RSPO2: variants seen among roughly 807,000 people sequenced by gnomAD.
RSPO2 encodes the protein R-spondin 2, also known as R-spondin-2.
RSPO2 carries 14 observed loss-of-function variants against 30.9 expected under a neutral mutation model. The ratio of observed to expected loss-of-function variants is 0.45; its 90% CI spans 0.30 to 0.71. The LOEUF (loss-of-function observed/expected upper bound fraction) is 0.71. RSPO2 is among the 30% of genes least tolerant of loss of function. The pLI is 0.08. For missense variants in RSPO2, 264 were observed against 301.9 expected (o/e 0.87, Z 0.93); for synonymous variants, 107 against 96.4 (o/e 1.11, Z -0.64).
rs1814522676 is a variant in RSPO2 at position 107,983,559 on chromosome 8, G to A, written c.283+5497C>T. On this transcript the variant is annotated intron_variant, in intron 3 of 5. Coordinates refer to ENST00000276659, the MANE Select transcript of RSPO2 (RefSeq NM_178565.5). ...CACTACTATATTTACTTCAGCAAAAGAGTGAGCCAGCAGAGCCATGTATTG... is the reference window on the plus strand; with the variant it reads ...CACTACTATATTTACTTCAGCAAAAAAGTGAGCCAGCAGAGCCATGTATTG... 5.0e-6 allele frequency: 8 copies of A among 1,600,686 alleles called. No individual in the cohort carries two copies. In the Admixed American group the frequency reaches 1.2e-4, roughly 23 times the overall value.
chr8:107,925,582 G>C (rs1459113353), intron 5 of RSPO2, among the ~76,000 whole-genome samples: 1 of 151,588 alleles, frequency 6.6e-6, no homozygotes, highest in Non-Finnish European at 1.5e-5. Context: ...AGGCCCCGGT[G>C]TGTGATGTTC....
intron 2 of RSPO2, among the ~76,000 whole-genome samples, chr8:107,990,956 T>A (rs1295037990): frequency 6.6e-6 from 1 of 152,060 alleles, no homozygotes; most frequent in African/African-American, 2.4e-5. Context: ...AGGGGCTGGG[T>A]GCGGTGGCTC....
chr8:108,012,979 T>C (rs1810756093), intron 2 of RSPO2, among the ~76,000 whole-genome samples: 1 of 152,174 alleles, frequency 6.6e-6, no homozygotes, highest in Non-Finnish European at 1.5e-5. Flanking sequence ...TCCCAATTCT[T>C]CCTGTCCAGG....
chr8:108,074,163 G>C (rs1457005688), intron 2 of RSPO2, among the ~76,000 whole-genome samples: 1 of 152,098 alleles, frequency 6.6e-6, no homozygotes, highest in Non-Finnish European at 1.5e-5. Context: ...TGCTAAACTG[G>C]GTAACTTCTA....
chr8:107,995,892 A>G (rs1815003196), intron 2 of RSPO2, among the ~76,000 whole-genome samples: 1 of 152,040 alleles, frequency 6.6e-6, no homozygotes, highest in African/African-American at 2.4e-5. Context: ...TATACTCACT[A>G]TGGTATTTTG....
intron 2 of RSPO2, among the ~76,000 whole-genome samples, chr8:108,002,485 A>G (rs1172277436): frequency 1.3e-5 from 2 of 152,178 alleles, no homozygotes; most frequent in African/African-American, 4.8e-5. Flanking sequence ...CCTCCTGCCT[A>G]TCCAAAATTA....
rs370345102 is a variant in RSPO2 at position 108,048,786 on chromosome 8, G to A, written c.94+33759C>T. On this transcript the variant is annotated intron_variant, in intron 2 of 5. Transcript: ENST00000276659. Reference sequence around the variant, plus strand: ...AGGGTGTCAATTTTAGATCTTTCCTGCTTTCTCTTGTGGGTATTTAGTGCT... The same window carrying A: ...AGGGTGTCAATTTTAGATCTTTCCTACTTTCTCTTGTGGGTATTTAGTGCT... 1.5e-4 allele frequency among the ~76,000 whole-genome samples: 23 copies of A among 152,220 alleles called. No individual in the cohort carries two copies. The South Asian group carries it at 4.2e-3, about 28-fold the overall frequency.
At chr8:107,913,039 A>T (rs1002020320) in intron 5 of RSPO2, among the ~76,000 whole-genome samples, 1 of 152,196 alleles carries the variant, frequency 6.6e-6, no homozygotes, top group South Asian at 2.1e-4. Context: ...GTGATAATTT[A>T]ACATTCATAT....
At chr8:107,909,260 T>TTG (rs1491111745) in intron 5 of RSPO2, among the ~76,000 whole-genome samples, 3,014 of 51,114 alleles carry the variant, frequency 0.059, 96 homozygotes, top group Middle Eastern at 0.12. Flanking sequence ...TTCCCAGTTG[T>TTG]TTTTTTTTTT....
At chr8:107,977,858 C>T (rs1563547547) in intron 3 of RSPO2, among the ~76,000 whole-genome samples, 1 of 151,862 alleles carries the variant, frequency 6.6e-6, no homozygotes, top group African/African-American at 2.4e-5. Flanking sequence ...AACATCTGTA[C>T]CTGTGATCAG....
At chr8:108,061,542 T>G (rs934946727) in intron 2 of RSPO2, among the ~76,000 whole-genome samples, 6 of 151,644 alleles carry the variant, frequency 4.0e-5, no homozygotes, top group African/African-American at 1.5e-4. Flanking sequence ...AAGCAAATCC[T>G]TAGAGACCTA....
chr8:107,917,692 T>C (rs1434993601), intron 5 of RSPO2, among the ~76,000 whole-genome samples: 5 of 152,206 alleles, frequency 3.3e-5, no homozygotes, highest in African/African-American at 1.2e-4. Context: ...TTGTCAAATA[T>C]GAAATGGTGT....
intron 2 of RSPO2, among the ~76,000 whole-genome samples, chr8:108,057,210 T>C (rs1812283221): frequency 6.6e-6 from 1 of 151,914 alleles, no homozygotes; most frequent in Non-Finnish European, 1.5e-5. Context: ...TGTTGAACAA[T>C]TATGATGCAG....
chr8:108,057,757 G>C (rs1304986121), intron 2 of RSPO2, among the ~76,000 whole-genome samples: 2 of 152,108 alleles, frequency 1.3e-5, no homozygotes, highest in Non-Finnish European at 2.9e-5. Flanking sequence ...TCTATTCCCT[G>C]ACTTGCAATA....
rs192977183 is a variant in RSPO2 at position 108,013,296 on chromosome 8, T to C, written c.95-24052A>G. 4.3e-4 allele frequency among the ~76,000 whole-genome samples: 66 copies of C among 152,340 alleles called. 2 individuals carry two copies. In the East Asian group the frequency reaches 0.011, roughly 26 times the overall value. On this transcript the variant is annotated intron_variant, in intron 2 of 5. Coordinates refer to ENST00000276659, the MANE Select transcript of RSPO2 (RefSeq NM_178565.5). The stretch of plus-strand genomic sequence containing the variant: ...GTTTTTGTACTCACCCTTATACTTT[T>C]CCACCACTGTTAATAAATTCATCAG...
intron 2 of RSPO2, among the ~76,000 whole-genome samples, chr8:108,035,343 G>A (rs943862136): frequency 4.6e-5 from 7 of 152,180 alleles, no homozygotes; most frequent in African/African-American, 1.7e-4. Context: ...TCTCACCTTT[G>A]GGTATGAATT....
chr8:107,951,462 G>A (rs1436808589), intron 5 of RSPO2, among the ~76,000 whole-genome samples: 1 of 152,150 alleles, frequency 6.6e-6, no homozygotes, highest in Non-Finnish European at 1.5e-5. Context: ...ATCTACCACT[G>A]ACACCATGTG....
At chr8:108,029,548 AT>A (rs1811347625) in intron 2 of RSPO2, among the ~76,000 whole-genome samples, 1 of 152,188 alleles carries the variant, frequency 6.6e-6, no homozygotes, top group Non-Finnish European at 1.5e-5. Context: ...CACAAAAATC[AT>A]TTTTAATTTG....
chr8:108,060,892 A>G (rs1201189280), intron 2 of RSPO2, among the ~76,000 whole-genome samples: 1 of 149,684 alleles, frequency 6.7e-6, no homozygotes, highest in Non-Finnish European at 1.5e-5. Flanking sequence ...ACATTCTTAA[A>G]GAAAAGAATT....
Sources: gnomAD v4.1 joint callset for allele counts (sites outside exome capture counted in the v4.1 genomes callset) on GRCh38, gnomAD v4.1.1 for gene constraint, MANE v1.5 for transcripts, NCBI Gene and HGNC (gene_info 2026-07-23, HGNC 2026-07-21) for gene names.